GAB2: variants seen among roughly 807,000 people sequenced by gnomAD.
GAB2 encodes the protein GRB2 associated binding protein 2, also known as GRB2-associated-binding protein 2.
In GAB2, 26 loss-of-function variants were observed where a neutral mutation model predicts 65.5. The observed-to-expected ratio is 0.40, with a 90% CI of 0.29 to 0.55. The LOEUF (loss-of-function observed/expected upper bound fraction) is 0.55. Among genes scored for constraint, GAB2 ranks in the 20% least tolerant of loss-of-function variants. The probability of loss-of-function intolerance (pLI) is 0.53; values close to 1 mark genes in which losing one functional copy is unlikely to be tolerated. For missense variants in GAB2, 884 were observed against 875.8 expected (o/e 1.01, Z -0.12); for synonymous variants, 321 against 329.6 (o/e 0.97, Z 0.28).
At chr11:78,245,136 T>C (rs911551590) in intron 3 of GAB2, among the ~76,000 whole-genome samples, 2 of 152,078 alleles carry the variant, frequency 1.3e-5, no homozygotes, top group African/African-American at 4.8e-5. Context: ...GAAAGTAGAA[T>C]GGTGGTTTTC....
intron 1 of GAB2, among the ~76,000 whole-genome samples, chr11:78,312,545 C>T (rs1172018047): frequency 6.6e-6 from 1 of 152,184 alleles, no homozygotes; most frequent in East Asian, 1.9e-4. Flanking sequence ...CCTGCCTCAG[C>T]CTCCCGAGTA....
chr11:78,327,924 C>G (rs1565161354), intron 1 of GAB2, among the ~76,000 whole-genome samples: 1 of 152,090 alleles, frequency 6.6e-6, no homozygotes, highest in African/African-American at 2.4e-5. Context: ...CTGGCAAGTA[C>G]AGCATAAATA....
chr11:78,231,889 T>C (rs1864861239), intron 3 of GAB2: 1 of 152,232 alleles, frequency 6.6e-6, no homozygotes, highest in Admixed American at 6.5e-5. Context: ...CCATTTAGAG[T>C]TCTGTAACTG....
intron 1 of GAB2, among the ~76,000 whole-genome samples, chr11:78,321,833 G>C (rs1167214736): frequency 1.3e-5 from 2 of 150,942 alleles, no homozygotes; most frequent in Non-Finnish European, 2.9e-5. Flanking sequence ...CCCAGAAATA[G>C]GGCCACACAC....
chr11:78,266,106 T>C (rs1003254056), intron 2 of GAB2, among the ~76,000 whole-genome samples: 1 of 147,532 alleles, frequency 6.8e-6, no homozygotes. Flanking sequence ...TCCCAGCTAC[T>C]TGAGAGGCTG....
chr11:78,346,721 AATT>A (rs1487038604), intron 1 of GAB2, among the ~76,000 whole-genome samples: 27 of 34,570 alleles, frequency 7.8e-4, no homozygotes, highest in East Asian at 6.3e-3. Flanking sequence ...ATATATATAT[AATT>A]TTTTTTTTTT....
intron 2 of GAB2, among the ~76,000 whole-genome samples, chr11:78,263,851 A>G (rs1051695778): frequency 1.6e-4 from 25 of 151,928 alleles, no homozygotes; most frequent in Admixed American, 5.9e-4. Flanking sequence ...TTTTCTTACC[A>G]GTGACTGAGT....
Position 78,217,722 on chromosome 11 carries a change from C to T in GAB2, c.*1550G>A, listed in dbSNP as rs1864220049. 2 of 152,270 alleles carry T rather than the reference C, an allele frequency of 1.3e-5. No individual in the cohort carries two copies. The highest frequency in any genetic ancestry group is 4.8e-5 in the African/African-American group (2 of 41,440). 9.4% of individuals were successfully genotyped at this position (152,270 alleles called of 1,614,324 possible). ...TGCCCTACACCCCGTCCCTGCTAATCTGATGGCCTTTCAAACCTGGGGAGG... is the reference window on the plus strand; with the variant it reads ...TGCCCTACACCCCGTCCCTGCTAATTTGATGGCCTTTCAAACCTGGGGAGG... On this transcript the variant is annotated 3_prime_UTR_variant, in exon 10 of 10. Transcript: ENST00000361507.
intron 1 of GAB2, among the ~76,000 whole-genome samples, chr11:78,329,955 T>C (rs1855887447): frequency 6.6e-6 from 1 of 152,218 alleles, no homozygotes; most frequent in Non-Finnish European, 1.5e-5. Context: ...ACTGGTAAGG[T>C]GGAAATGAGG....
intron 1 of GAB2, among the ~76,000 whole-genome samples, chr11:78,408,817 C>G (rs1480282817): frequency 6.6e-6 from 1 of 152,170 alleles, no homozygotes; most frequent in East Asian, 1.9e-4. Flanking sequence ...TCCTCCTGCT[C>G]CAGCCATGTA....
chr11:78,311,401 G>GT (rs141675297), intron 1 of GAB2, among the ~76,000 whole-genome samples: 8,159 of 150,106 alleles, frequency 0.054, 708 homozygotes, highest in African/African-American at 0.19. Context: ...TATAAAGGTT[G>GT]TTTTTTTTTC....
At chr11:78,249,633 C>G (rs1034098598) in intron 3 of GAB2, among the ~76,000 whole-genome samples, 1 of 152,204 alleles carries the variant, frequency 6.6e-6, no homozygotes, top group Non-Finnish European at 1.5e-5. Context: ...AGCCCCTAGA[C>G]ATATGTGTCT....
chr11:78,390,177 G>A (rs1856817353), intron 1 of GAB2, among the ~76,000 whole-genome samples: 1 of 152,180 alleles, frequency 6.6e-6, no homozygotes, highest in South Asian at 2.1e-4. Flanking sequence ...GAGATAATTT[G>A]CATCTGTTCC....
chr11:78,346,698 TA>T (rs1565168179), intron 1 of GAB2, among the ~76,000 whole-genome samples: 21 of 93,560 alleles, frequency 2.2e-4, no homozygotes, highest in Non-Finnish European at 3.7e-4. Flanking sequence ...TATATATATA[TA>T]TATATATATA....
In GAB2 at chr11:78,226,554, G is replaced by A. The variant is rs372231541; in HGVS notation, c.1118C>T (p.Pro373Leu). Residue 373 changes from proline to leucine, a missense_variant, in exon 4 of 10, where the codon CCG becomes CTG. Transcript: ENST00000361507. ...AGATCTGCTATTTTCACTGATTGGC[G>A]GTCTCTGCTGAGGACTGCCCCATCG... ...TPRWGSPQQR[P>L]PISENSRSVA... 8.3e-5 allele frequency: 134 copies of A among 1,612,030 alleles called. 1 individual carries two copies. Among genetic ancestry groups the A allele is most frequent in the Middle Eastern group, 4.9e-4 (3 of 6,062 alleles).
intron 1 of GAB2, among the ~76,000 whole-genome samples, chr11:78,289,659 C>T (rs1866596163): frequency 6.6e-6 from 1 of 151,866 alleles, no homozygotes; most frequent in African/African-American, 2.4e-5. Flanking sequence ...ACATAATACG[C>T]TAGTAGACCA....
chr11:78,331,582 T>C (rs1220569147), intron 1 of GAB2, among the ~76,000 whole-genome samples: 1 of 152,172 alleles, frequency 6.6e-6, no homozygotes, highest in Non-Finnish European at 1.5e-5. Context: ...AAATCCAGAA[T>C]TTCAGTTCTC....
chr11:78,300,685 G>GTTTTT (rs763136988), intron 1 of GAB2, among the ~76,000 whole-genome samples: 75 of 120,638 alleles, frequency 6.2e-4, no homozygotes, highest in African/African-American at 2.5e-3. Flanking sequence ...TTTTTTTTTG[G>GTTTTT]TTTTTTTTTG....
At chr11:78,225,057 C>A in intron 5 of GAB2, 51 bp downstream of exon 5, 1 of 1,185,262 alleles carries the variant, frequency 8.4e-7, no homozygotes, top group South Asian at 1.2e-5. Flanking sequence ...AAGGTGTGAC[C>A]TTTTACCTAA....
Sources: allele counts gnomAD v4.1 joint callset (sites outside exome capture counted in the v4.1 genomes callset), GRCh38; gene constraint gnomAD v4.1.1; transcripts MANE v1.5; gene names NCBI Gene and HGNC (gene_info 2026-07-23, HGNC 2026-07-21).